Variants in CNTNAP3B observed in about 807,000 individuals in gnomAD.
CNTNAP3B encodes the protein contactin-associated protein-like 3B.
A neutral mutation model predicts 108.9 loss-of-function variants in CNTNAP3B; 25 were observed. The ratio of observed to expected loss-of-function variants is 0.23; its 90% CI spans 0.17 to 0.32. The LOEUF (loss-of-function observed/expected upper bound fraction) is 0.32, where lower values mean the gene tolerates loss of function less well. Among genes scored for constraint, CNTNAP3B ranks in the 10% least tolerant of loss-of-function variants. The pLI, the probability that CNTNAP3B is intolerant of heterozygous loss-of-function variation, is 1.00. For missense variants in CNTNAP3B, 252 were observed against 1,210.4 expected, an observed-to-expected ratio of 0.21 and a Z score of 11.75; for synonymous variants, 103 against 473.4, an observed-to-expected ratio of 0.22 and a Z score of 10.16.
At chr9:41,973,225 G>A (rs1330908000) in intron 9 of CNTNAP3B, among the ~76,000 whole-genome samples, 2 of 145,104 alleles carry the variant, frequency 1.4e-5, no homozygotes, top group African/African-American at 5.1e-5. Context: ...GGGATTACAG[G>A]CATAAGCCAC....
rs1010881563 is a variant in CNTNAP3B, at chr9:42,094,565, G to A, written c.196+10064C>T. Among the ~76,000 whole-genome samples the A allele has an allele frequency of 1.5e-5, 2 of 131,534 alleles. 1 individual carries two copies. The highest frequency in any genetic ancestry group is 6.2e-5 in the African/African-American group (2 of 32,250). The allele number at this position is 131,534 out of a possible 152,430, so 86.3% of individuals were successfully genotyped here. A position where few individuals can be genotyped will look rare whatever the true frequency, so the allele number is the denominator to read the frequency against. ...AGCTACTCGGGAGGCTGAGGTGGGAGGATCACCTGAGCCCACGGAGGTTGA... is the reference window on the plus strand; with the variant it reads ...AGCTACTCGGGAGGCTGAGGTGGGAAGATCACCTGAGCCCACGGAGGTTGA... On this transcript the variant is annotated intron_variant, in intron 2 of 23. Coordinates refer to ENST00000377561, the MANE Select transcript of CNTNAP3B (RefSeq NM_001201380.3).
At chr9:41,921,110 T>C (rs1325683052) in intron 17 of CNTNAP3B, among the ~76,000 whole-genome samples, 1,056 of 150,514 alleles carry the variant, frequency 7.0e-3, no homozygotes, top group Non-Finnish European at 9.9e-3. Flanking sequence ...GGGCCTAAGG[T>C]GGGGGCCCCA....
intron 3 of CNTNAP3B, among the ~76,000 whole-genome samples, chr9:42,070,889 A>T (rs1455696872): frequency 1.3e-5 from 2 of 151,778 alleles, no homozygotes; most frequent in South Asian, 2.1e-4. Flanking sequence ...AAAACGTCCC[A>T]TGACAGCTAG....
chr9:41,949,777 A>G (rs1270369874), intron 13 of CNTNAP3B, among the ~76,000 whole-genome samples: 1 of 151,976 alleles, frequency 6.6e-6, no homozygotes, highest in African/African-American at 2.4e-5. Context: ...AACTTTTAGG[A>G]AAAAAATTCA....
intron 13 of CNTNAP3B, among the ~76,000 whole-genome samples, chr9:41,941,109 A>T (rs1329690858): frequency 6.6e-6 from 1 of 150,764 alleles, no homozygotes; most frequent in East Asian, 1.9e-4. Flanking sequence ...ACCCAAATAG[A>T]CATAAGGATT....
At chr9:42,014,599 G>T (rs1449085194) in intron 3 of CNTNAP3B, among the ~76,000 whole-genome samples, 1 of 113,226 alleles carries the variant, frequency 8.8e-6, no homozygotes, top group African/African-American at 3.6e-5. Flanking sequence ...GATCATCCTG[G>T]CTAACACGGT....
rs576657748 is a variant in CNTNAP3B at position 42,030,986 on chromosome 9, G to A, written c.391-17461C>T. On this transcript the variant is annotated intron_variant, in intron 3 of 23. Coordinates refer to ENST00000377561, the MANE Select transcript of CNTNAP3B (RefSeq NM_001201380.3). ...AATCTTTCATTTGCAAAATTACTTC[G>A]TTTTGCTAGACATCTCTAGCAAAAT... Among the ~76,000 whole-genome samples the A allele has an allele frequency of 4.0e-4, 42 of 104,034 alleles. 7 individuals are homozygous for A. Among genetic ancestry groups the A allele is most frequent in the African/African-American group, 1.6e-3 (41 of 26,110 alleles). 68.3% of individuals were successfully genotyped at this position (104,034 alleles called of 152,430 possible). A position where few individuals can be genotyped will look rare whatever the true frequency, so the allele number is the denominator to read the frequency against.
intron 11 of CNTNAP3B, among the ~76,000 whole-genome samples, chr9:41,961,466 A>T (rs1341682192): frequency 1.3e-5 from 2 of 152,304 alleles, no homozygotes. Flanking sequence ...AAACTCTATA[A>T]TTAAGGAAGA....
chr9:42,096,052 T>TCA lies in CNTNAP3B; in HGVS notation c.196+8575_196+8576dup, dbSNP rs112296674. Among the ~76,000 whole-genome samples the TCA allele has an allele frequency of 6.0e-4, 83 of 139,282 alleles. 13 individuals are homozygous for TCA. The highest frequency in any genetic ancestry group is 2.4e-3 in the African/African-American group (83 of 35,126). 91.4% of individuals were successfully genotyped at this position (139,282 alleles called of 152,430 possible). A position where few individuals can be genotyped will look rare whatever the true frequency, so the allele number is the denominator to read the frequency against. On this transcript the variant is annotated intron_variant, in intron 2 of 23. Transcript: ENST00000377561. ...GTCTTGCTCACCTGCCTTTGGTACCTCAGGGTGTCCTTGGATAACTGGGGC... is the reference window on the plus strand; with the variant it reads ...GTCTTGCTCACCTGCCTTTGGTACCTCACAGGGTGTCCTTGGATAACTGGGGC...
At chr9:42,041,370 A>G (rs1826748773) in intron 3 of CNTNAP3B, among the ~76,000 whole-genome samples, 1 of 151,400 alleles carries the variant, frequency 6.6e-6, no homozygotes, top group South Asian at 2.1e-4. Flanking sequence ...GAATCTACAA[A>G]GAATTTAAAC....
At chr9:42,127,261 C>T (rs1377041564) in intron 1 of CNTNAP3B, among the ~76,000 whole-genome samples, 1 of 138,666 alleles carries the variant, frequency 7.2e-6, no homozygotes, top group Non-Finnish European at 1.5e-5. Context: ...TCTGTCCCTG[C>T]CCTCCCCTCC....
chr9:42,112,375 G>T lies in CNTNAP3B; in HGVS notation c.86-7636C>A, dbSNP rs1430021073. 4.3e-5 allele frequency among the ~76,000 whole-genome samples: 6 copies of T among 139,458 alleles called. 1 individual carries two copies. Among genetic ancestry groups the T allele is most frequent in the Non-Finnish European group, 7.7e-5 (5 of 65,036 alleles). The allele number at this position is 139,458 out of a possible 152,430, so 91.5% of individuals were successfully genotyped here. A position where few individuals can be genotyped will look rare whatever the true frequency, so the allele number is the denominator to read the frequency against. On this transcript the variant is annotated intron_variant, in intron 1 of 23. Transcript: ENST00000377561. ...AGGAGCAGCACCTCACTCACAGGGAGCCACACAGCAGCCATGTGCGGCGGC... is the reference window on the plus strand; with the variant it reads ...AGGAGCAGCACCTCACTCACAGGGATCCACACAGCAGCCATGTGCGGCGGC...
rs529802810 is a variant in CNTNAP3B, at chr9:41,958,950, G to C, written c.1876+1823C>G. 3.2e-4 allele frequency among the ~76,000 whole-genome samples: 45 copies of C among 139,650 alleles called. 1 individual carries two copies. The highest frequency in any genetic ancestry group is 1.3e-3 in the African/African-American group (45 of 35,028). 91.6% of individuals were successfully genotyped at this position (139,650 alleles called of 152,430 possible). A position where few individuals can be genotyped will look rare whatever the true frequency, so the allele number is the denominator to read the frequency against. ...ATCCTTCTCTGTCTGGGTCTTCCTG[G>C]AGTTTTTAATTCTCAGATGTGTCCA... On this transcript the variant is annotated intron_variant, in intron 12 of 23. Transcript: ENST00000377561.
chr9:41,966,749 C>A (rs559457803), intron 10 of CNTNAP3B, among the ~76,000 whole-genome samples: 2 of 152,264 alleles, frequency 1.3e-5, no homozygotes, highest in South Asian at 2.1e-4. Flanking sequence ...GGGTGGATCA[C>A]GAGGTCAGGA....
intron 14 of CNTNAP3B, among the ~76,000 whole-genome samples, chr9:41,934,130 C>CATATATATACACAT (rs1824075567): frequency 3.4e-5 from 4 of 116,500 alleles, no homozygotes; most frequent in Admixed American, 9.1e-5. Context: ...TATACACACA[C>CATATATATACACAT]ATATATATAT....
rs1397028946 is a variant in CNTNAP3B at position 42,098,311 on chromosome 9, C to G, written c.196+6318G>C. The stretch of plus-strand genomic sequence containing the variant: ...TAACTAGGCTGGGCGTGGTGGCTCA[C>G]GCCTGTAATCCCAGCACTCTGGGAG... On this transcript the variant is annotated intron_variant, in intron 2 of 23. Coordinates refer to ENST00000377561, the MANE Select transcript of CNTNAP3B (RefSeq NM_001201380.3). 1.6e-5 allele frequency among the ~76,000 whole-genome samples: 2 copies of G among 127,524 alleles called. 1 individual carries two copies. The highest frequency in any genetic ancestry group is 1.6e-4 in the Admixed American group (2 of 12,592). The allele number at this position is 127,524 out of a possible 152,430, so 83.7% of individuals were successfully genotyped here.
rs570773887 is a variant in CNTNAP3B at position 42,055,542 on chromosome 9, A to G, written c.390+21327T>C. On this transcript the variant is annotated intron_variant, in intron 3 of 23. Transcript: ENST00000377561. ...CTCTTCATGCACATATGCATATATT[A>G]CACTATGACTGTGGGATAAATTCCT... Among the ~76,000 whole-genome samples the G allele has an allele frequency of 6.9e-3, 957 of 138,052 alleles. 1 individual carries two copies. Among genetic ancestry groups the G allele is most frequent in the Non-Finnish European group, 0.01 (660 of 64,882 alleles). The allele number at this position is 138,052 out of a possible 152,430, so 90.6% of individuals were successfully genotyped here.
chr9:41,990,985 G>A (rs1254798584), intron 8 of CNTNAP3B, among the ~76,000 whole-genome samples: 1 of 134,866 alleles, frequency 7.4e-6, no homozygotes, highest in African/African-American at 3.0e-5. Context: ...TCCCTGCAAA[G>A]GAGATCTGAG....
intron 18 of CNTNAP3B, among the ~76,000 whole-genome samples, chr9:41,919,495 A>G (rs1350142187): frequency 2.6e-5 from 4 of 152,426 alleles, no homozygotes; most frequent in Middle Eastern, 3.4e-3. Flanking sequence ...GTCAAACATC[A>G]TAGAGCAAAG....
Sources: gnomAD v4.1 joint callset for allele counts (sites outside exome capture counted in the v4.1 genomes callset) on GRCh38, gnomAD v4.1.1 for gene constraint, MANE v1.5 for transcripts, NCBI Gene and HGNC (gene_info 2026-07-23, HGNC 2026-07-21) for gene names.